RAPSN: variants seen among roughly 807,000 people sequenced by gnomAD.
The protein encoded by RAPSN is receptor associated protein of the synapse, also known as 43 kDa receptor-associated protein of the synapse.
In RAPSN, 33 loss-of-function variants were observed where a neutral mutation model predicts 45.7. The observed-to-expected ratio is 0.72, with a 90% CI of 0.55 to 0.97. The LOEUF is 0.97. RAPSN is among the 50% of genes least tolerant of loss of function. The pLI is 0.00. For synonymous variants in RAPSN, 244 were observed against 233.6 expected (o/e 1.04, Z -0.40); for missense variants, 519 against 559.4 (o/e 0.93, Z 0.73).
At chr11:47,442,614 C>T in intron 3 of RAPSN, 42 bp downstream of exon 3, 1 of 1,604,770 alleles carries the variant, frequency 6.2e-7, no homozygotes, top group Non-Finnish European at 8.5e-7. Flanking sequence ...CCCTGGCCCA[C>T]ACCACCTCAT....
intron 2 of RAPSN, among the ~76,000 whole-genome samples, chr11:47,446,904 C>A (rs1189794325): frequency 1.3e-5 from 2 of 152,080 alleles, no homozygotes; most frequent in Admixed American, 6.6e-5. Context: ...AAACTCCGCC[C>A]CTGCCCCCGC....
At chr11:47,438,114 T>C (rs931229290) in intron 7 of RAPSN, 67 bp from the exon 8 acceptor site, 1 of 1,522,616 alleles carries the variant, frequency 6.6e-7, no homozygotes, top group Non-Finnish European at 8.9e-7. Context: ...CTCTCTTCCT[T>C]CCTTGCCTGC....
intron 1 of RAPSN, 83 bp from the exon 2 acceptor site, chr11:47,448,233 G>C (rs1284888973): frequency 6.9e-7 from 1 of 1,444,182 alleles, no homozygotes; most frequent in Non-Finnish European, 9.6e-7. Flanking sequence ...GCTCAGACCT[G>C]GAGGCCCCAC....
chr11:47,442,604 C>T, intron 3 of RAPSN, 52 bp downstream of exon 3: 2 of 1,592,168 alleles, frequency 1.3e-6, no homozygotes, highest in Non-Finnish European at 1.7e-6. Context: ...AGGCCCCAGC[C>T]CCTGGCCCAC....
chr11:47,441,278 C>A, intron 5 of RAPSN, 66 bp from the exon 6 acceptor site: 1 of 1,596,402 alleles, frequency 6.3e-7, no homozygotes, highest in Non-Finnish European at 8.5e-7. Context: ...CACAGGGAAG[C>A]ACAGGGTAGG....
rs376041895 is a variant in RAPSN, at chr11:47,442,772, G to A, written c.574C>T (p.Leu192Phe). Reference sequence around the variant, plus strand: ...CAGCCTTTGCCATAGTTGTTGACAAGCTCTGCCGCCTTGCAGGGGAAGAAC... The same window carrying A: ...CAGCCTTTGCCATAGTTGTTGACAAACTCTGCCGCCTTGCAGGGGAAGAAC... Reference protein sequence around the residue: ...ALFFPCKAAELVNNYGKGWSL... With the variant: ...ALFFPCKAAEFVNNYGKGWSL... The change falls in exon 3 of 8, where the codon CTT becomes TTT. Residue 192 changes from leucine to phenylalanine, a missense_variant. Coordinates refer to ENST00000298854, the MANE Select transcript of RAPSN (RefSeq NM_005055.5). 1.9e-6 allele frequency: 3 copies of A among 1,614,150 alleles called. No homozygotes were observed. The African/African-American group carries it at 4.0e-5, about 22-fold the overall frequency.
chr11:47,444,857 CAAAAAAA>C (rs10611957), intron 2 of RAPSN, among the ~76,000 whole-genome samples: 1 of 80,726 alleles, frequency 1.2e-5, no homozygotes, highest in Non-Finnish European at 2.3e-5. Flanking sequence ...GACACTGTCT[CAAAAAAA>C]AAAAAAAAAA....
chr11:47,439,403 G>A (rs1162919786), intron 6 of RAPSN, among the ~76,000 whole-genome samples: 1 of 152,184 alleles, frequency 6.6e-6, no homozygotes, highest in Non-Finnish European at 1.5e-5. Context: ...GAACCCAGGA[G>A]GCGGAGGTTG....
chr11:47,439,138 G>A (rs1397927887), intron 6 of RAPSN, among the ~76,000 whole-genome samples: 6 of 152,178 alleles, frequency 3.9e-5, no homozygotes, highest in African/African-American at 7.2e-5. Context: ...GAGACCCCAT[G>A]TTTTTGACAG....
At chr11:47,442,527 C>A in intron 3 of RAPSN, 129 bp downstream of exon 3, 1 of 1,080,600 alleles carries the variant, frequency 9.3e-7, no homozygotes, top group African/African-American at 1.6e-5. Context: ...TTTAGAGAGG[C>A]TGGGCCAGAG....
chr11:47,440,198 C>G (rs1379510515), intron 6 of RAPSN, among the ~76,000 whole-genome samples: 1 of 152,170 alleles, frequency 6.6e-6, no homozygotes, highest in African/African-American at 2.4e-5. Flanking sequence ...GTACTCACCT[C>G]ACAGGGAGAG....
chr11:47,445,593 CA>C (rs61001294), intron 2 of RAPSN, among the ~76,000 whole-genome samples: 1,515 of 58,262 alleles, frequency 0.026, 5 homozygotes, highest in African/African-American at 0.09. Flanking sequence ...GAGACTGTCT[CA>C]AAAAAAAAAA....
At position 47,438,549 on chromosome 11, in the gene RAPSN, C is replaced by T. The variant is rs1196566498; in HGVS notation, c.1166+183G>A. The T allele has an allele frequency of 4.1e-5, 27 of 661,072 alleles. No individual in the cohort carries two copies. In the East Asian group the frequency reaches 4.7e-4, roughly 12 times the overall value. The allele number at this position is 661,072 out of a possible 1,614,324, so 41.0% of individuals were successfully genotyped here. A position where few individuals can be genotyped will look rare whatever the true frequency, so the allele number is the denominator to read the frequency against. Reference sequence around the variant, plus strand: ...TGTTGGCCAAGATGATCTTGAACCCCGGGGCTCAAGTGATCAGCCCGCCTC... The same window carrying T: ...TGTTGGCCAAGATGATCTTGAACCCTGGGGCTCAAGTGATCAGCCCGCCTC... On this transcript the variant is annotated intron_variant, in intron 7 of 7. Transcript: ENST00000298854.
intron 2 of RAPSN, among the ~76,000 whole-genome samples, chr11:47,447,379 C>G (rs1283694179): frequency 6.6e-6 from 1 of 152,194 alleles, no homozygotes; most frequent in Non-Finnish European, 1.5e-5. Flanking sequence ...CTGCTACACC[C>G]TGGGTCAACA....
At chr11:47,443,303 C>T (rs996137631) in intron 2 of RAPSN, among the ~76,000 whole-genome samples, 1 of 152,166 alleles carries the variant, frequency 6.6e-6, no homozygotes, top group Non-Finnish European at 1.5e-5. Flanking sequence ...ACAGACTCAG[C>T]GAGGCGATGC....
intron 2 of RAPSN, among the ~76,000 whole-genome samples, chr11:47,446,384 GC>G (rs1237375878): frequency 3.3e-5 from 5 of 151,978 alleles, no homozygotes; most frequent in Non-Finnish European, 7.4e-5. Flanking sequence ...CCCCTGTCCT[GC>G]CCCAGTCCTA....
chr11:47,447,884 G>A lies in RAPSN; in HGVS notation c.459C>T (p.Ala153=), dbSNP rs780030892. Residue 153 remains alanine, a synonymous_variant, in exon 2 of 8, where the codon GCC becomes GCT. Transcript: ENST00000298854. ...LESFEKALRY[A]HNNDDAMLEC... ...CGAGCATGGCGTCATCATTGTTGTG[G>A]GCATAGCGCAGGGCCTTCTCGAAGC... is the stretch of plus-strand genomic sequence containing the variant. The A allele has an allele frequency of 3.7e-6, 6 of 1,613,522 alleles. No individual in the cohort carries two copies. The highest frequency in any genetic ancestry group is 5.1e-6 in the Non-Finnish European group (6 of 1,179,880).
chr11:47,441,925 C>A lies in RAPSN; in HGVS notation c.691-4G>T, dbSNP rs886048388. ...GCAGCGCGATCTTCATAGACTCCTG[C>A]GAGGGAGGCCAGTGGCTCAGGCCTA... On this transcript the variant is annotated splice_region_variant and splice_polypyrimidine_tract_variant and intron_variant, in intron 3 of 7. Coordinates refer to ENST00000298854, the MANE Select transcript of RAPSN (RefSeq NM_005055.5). 7.3e-6 allele frequency: 11 copies of A among 1,508,574 alleles called. No homozygotes were observed. In the Admixed American group the frequency reaches 1.5e-4, roughly 21 times the overall value. The allele number at this position is 1,508,574 out of a possible 1,614,324, so 93.4% of individuals were successfully genotyped here.
In RAPSN at chr11:47,441,662, C is replaced by G. The variant is rs2076364864; in HGVS notation, c.861G>C (p.Gln287His). ...AGCACTTGGCCACACCCAGCAGCGC[C>G]TGCACCTGCCCCAGGCGGTTTCCGA... ...TEIGNRLGQV[Q>H]ALLGVAKCWV... Residue 287 changes from glutamine (Q) to histidine (H), a missense_variant, in exon 5 of 8, where the codon CAG becomes CAC. By Grantham distance (24) the Gln-to-His change is conservative. Coordinates refer to ENST00000298854, the MANE Select transcript of RAPSN (RefSeq NM_005055.5). The G allele has an allele frequency of 1.2e-6, 2 of 1,609,790 alleles. No individual in the cohort carries two copies. The highest frequency in any genetic ancestry group is 2.7e-5 in the African/African-American group (2 of 74,934).
Sources: gnomAD v4.1 joint callset for allele counts (sites outside exome capture counted in the v4.1 genomes callset) on GRCh38, gnomAD v4.1.1 for gene constraint, MANE v1.5 for transcripts, NCBI Gene and HGNC (gene_info 2026-07-23, HGNC 2026-07-21) for gene names.